MS4A10: variants seen among roughly 807,000 people sequenced by gnomAD.
MS4A10 encodes the protein membrane spanning 4-domains A10.
Under a neutral mutation model 27.7 loss-of-function variants are expected in MS4A10, and 27 were observed. That is an observed-to-expected ratio of 0.98 (90% CI 0.72 to 1.35). MS4A10 has a LOEUF of 1.35. Among genes scored for constraint, MS4A10 ranks in the 40% most tolerant of loss-of-function variants. MS4A10 has a pLI of 0.00. For synonymous variants in MS4A10, 139 were observed against 131.2 expected (o/e 1.06, Z -0.41); for missense variants, 338 against 324.7 (o/e 1.04, Z -0.32).
chr11:60,793,216 A>G (rs1854461362), intron 4 of MS4A10, among the ~76,000 whole-genome samples: 1 of 152,210 alleles, frequency 6.6e-6, no homozygotes, highest in South Asian at 2.1e-4. Context: ...ATGGTTGTGC[A>G]GTTTACCCAG....
intron 1 of MS4A10, 58 bp from the exon 2 acceptor site, chr11:60,790,256 C>T: frequency 6.9e-7 from 1 of 1,451,934 alleles, no homozygotes; most frequent in Non-Finnish European, 9.5e-7. Flanking sequence ...AGAGGCTCAC[C>T]CAGGCACAAG....
intron 1 of MS4A10, among the ~76,000 whole-genome samples, chr11:60,789,755 G>A (rs1005260326): frequency 1.3e-5 from 2 of 152,212 alleles, no homozygotes; most frequent in African/African-American, 4.8e-5. Flanking sequence ...CTCAGTGCCT[G>A]GAGCAGAGAA....
chr11:60,794,692 G>C (rs565474216), intron 5 of MS4A10, among the ~76,000 whole-genome samples: 4 of 152,106 alleles, frequency 2.6e-5, no homozygotes, highest in Non-Finnish European at 5.9e-5. Context: ...GAAGGGGCGG[G>C]GGAACGGAGT....
At chr11:60,790,281 C>T (rs760159151) in intron 1 of MS4A10, 33 bp from the exon 2 acceptor site, 50 of 1,572,326 alleles carry the variant, frequency 3.2e-5, no homozygotes, top group Middle Eastern at 1.7e-4. Context: ...AGAAATGAGA[C>T]GGGTTCTGAC....
At chr11:60,786,466 C>A (rs1296717629) in intron 1 of MS4A10, among the ~76,000 whole-genome samples, 1 of 152,114 alleles carries the variant, frequency 6.6e-6, no homozygotes, top group East Asian at 1.9e-4. Context: ...ACCCCCACCC[C>A]AGGGCCCCAG....
Position 60,800,025 on chromosome 11 carries a change from T to C in MS4A10, c.*116T>C. ...CATACAAAAGGCTAGAGCGATGGTCTATACAGCAAAGTCAGCCCTCACAGC... is the reference window on the plus strand; with the variant it reads ...CATACAAAAGGCTAGAGCGATGGTCCATACAGCAAAGTCAGCCCTCACAGC... On this transcript the variant is annotated 3_prime_UTR_variant, in exon 8 of 8. Coordinates refer to ENST00000308287, the MANE Select transcript of MS4A10 (RefSeq NM_206893.4). 7 of 1,521,476 alleles carry C rather than the reference T, an allele frequency of 4.6e-6. No homozygotes were observed. In the South Asian group the frequency reaches 8.6e-5, roughly 19 times the overall value. 94.2% of individuals were successfully genotyped at this position (1,521,476 alleles called of 1,614,324 possible). A position where few individuals can be genotyped will look rare whatever the true frequency, so the allele number is the denominator to read the frequency against.
At chr11:60,797,179 C>T (rs771235645) in intron 6 of MS4A10, among the ~76,000 whole-genome samples, 43 of 152,166 alleles carry the variant, frequency 2.8e-4, no homozygotes, top group Non-Finnish European at 5.9e-4. Context: ...TGAGGCCAAC[C>T]CCACTTTTAA....
Position 60,799,990 on chromosome 11 carries a change from G to A in MS4A10, c.*81G>A. ...AAAGTTGCACTTTCACTGGGAAGAT[G>A]AGATTTGCACATACAAAAGGCTAGA... On this transcript the variant is annotated 3_prime_UTR_variant, in exon 8 of 8. Transcript: ENST00000308287. 1.2e-6 allele frequency: 2 copies of A among 1,608,684 alleles called. No homozygotes were observed. The highest frequency in any genetic ancestry group is 1.7e-6 in the Non-Finnish European group (2 of 1,177,040).
intron 3 of MS4A10, among the ~76,000 whole-genome samples, chr11:60,791,921 G>C (rs757431008): frequency 1.3e-5 from 2 of 152,248 alleles, no homozygotes; most frequent in Non-Finnish European, 2.9e-5. Context: ...AACAGTCGGG[G>C]TGGAGGGGAT....
chr11:60,790,639 A>T (rs1854414626), intron 2 of MS4A10, 121 bp downstream of exon 2: 1 of 1,109,792 alleles, frequency 9.0e-7, no homozygotes, highest in Admixed American at 2.7e-5. Context: ...TTTCCTGCTG[A>T]ACATTCATCT....
Position 60,798,448 on chromosome 11 carries a change from C to T in MS4A10, c.656C>T (p.Pro219Leu), listed in dbSNP as rs12419635. The change falls in exon 7 of 8, where the codon CCG (proline) becomes CTG (leucine). Residue 219 changes from proline (P) to leucine (L), a missense_variant. Physicochemically the swap from Pro to Leu is moderately conservative, Grantham distance 98. Transcript: ENST00000308287. Reference protein sequence around the residue: ...PNTPLHLKGLPVEPPPSYQSV... With the variant: ...PNTPLHLKGLLVEPPPSYQSV... ...ACACCATTGCATCTCAAAGGCCTGC[C>T]GGTGGAGCCCCCGCCATCCTACCAG... 0.087 allele frequency: 139,916 copies of T among 1,613,852 alleles called. 6,559 individuals are homozygous for T. Among genetic ancestry groups the T allele is most frequent in the Non-Finnish European group, 0.094 (111,073 of 1,179,804 alleles).
intron 2 of MS4A10, 125 bp from the exon 3 acceptor site, chr11:60,790,848 TG>T: frequency 7.3e-7 from 1 of 1,361,064 alleles, no homozygotes; most frequent in Non-Finnish European, 1.0e-6. Flanking sequence ...TTAGAGAGCC[TG>T]GTCTCTGGGA....
chr11:60,797,349 T>C (rs1023165387), intron 6 of MS4A10, among the ~76,000 whole-genome samples: 1 of 152,204 alleles, frequency 6.6e-6, no homozygotes, highest in African/African-American at 2.4e-5. Context: ...TTTGGTGGCT[T>C]AAAATGACAC....
In MS4A10 at chr11:60,793,974, G is replaced by T. The variant is rs1854477866; in HGVS notation, c.363G>T (p.Lys121Asn). ...TMKTFSKTYL[K>N]MLCLMTNLIS... ...TTACCTTTATTTTTCACCTATAGAA[G>T]ATGTTGTGCCTGATGACAAACCTCA... Residue 121 changes from lysine to asparagine, a missense_variant and splice_region_variant, in exon 5 of 8, where the codon AAG (lysine) becomes AAT (asparagine). Coordinates refer to ENST00000308287, the MANE Select transcript of MS4A10 (RefSeq NM_206893.4). The T allele has an allele frequency of 6.2e-7, 1 of 1,614,022 alleles. No homozygotes were observed. Among genetic ancestry groups the T allele is most frequent in the African/African-American group, 1.3e-5 (1 of 75,064 alleles).
At chr11:60,789,352 G>A (rs768809338) in intron 1 of MS4A10, among the ~76,000 whole-genome samples, 2 of 152,134 alleles carry the variant, frequency 1.3e-5, no homozygotes, top group Non-Finnish European at 2.9e-5. Context: ...CACTTCCTGG[G>A]ACAGAAAGAC....
At chr11:60,786,201 A>G (rs528244777) in intron 1 of MS4A10, among the ~76,000 whole-genome samples, 3 of 151,646 alleles carry the variant, frequency 2.0e-5, no homozygotes, top group South Asian at 2.1e-4. Flanking sequence ...ACACACACAC[A>G]CACACACACA....
intron 6 of MS4A10, among the ~76,000 whole-genome samples, chr11:60,796,611 A>C (rs1031470775): frequency 1.6e-4 from 24 of 152,316 alleles, no homozygotes; most frequent in Non-Finnish European, 2.9e-4. Flanking sequence ...AGGTACTTAC[A>C]TTCTCATACT....
rs183726876 is a variant in MS4A10, at chr11:60,795,526, C to T, written c.493-29C>T. On this transcript the variant is annotated intron_variant, in intron 5 of 7. Transcript: ENST00000308287. Reference sequence around the variant, plus strand: ...CGTGCAGACACCCAGCGAGGCCTCACCCTGCCTTCCTTCCCTCTACCCTCT... The same window carrying T: ...CGTGCAGACACCCAGCGAGGCCTCATCCTGCCTTCCTTCCCTCTACCCTCT... 8.9e-5 allele frequency: 130 copies of T among 1,464,652 alleles called. 3 individuals are homozygous for T. In the South Asian group the frequency reaches 1.3e-3, roughly 15 times the overall value. 90.7% of individuals were successfully genotyped at this position (1,464,652 alleles called of 1,614,324 possible).
At chr11:60,788,470 T>G (rs903626308) in intron 1 of MS4A10, among the ~76,000 whole-genome samples, 38 of 152,216 alleles carry the variant, frequency 2.5e-4, no homozygotes, top group Admixed American at 1.9e-3. Flanking sequence ...GTCCAGGTAT[T>G]GTCCTCCCAG....
Sources: gnomAD v4.1 joint callset for allele counts (sites outside exome capture counted in the v4.1 genomes callset) on GRCh38, gnomAD v4.1.1 for gene constraint, MANE v1.5 for transcripts, NCBI Gene and HGNC (gene_info 2026-07-23, HGNC 2026-07-21) for gene names.